Variants in ABCG8 observed in about 807,000 individuals in gnomAD.
ABCG8 encodes ATP binding cassette subfamily G member 8, also known as ATP-binding cassette sub-family G member 8.
A neutral mutation model predicts 71.3 loss-of-function variants in ABCG8; 81 were observed. That is an observed-to-expected ratio of 1.14 (90% CI 0.95 to 1.37). The LOEUF is 1.37. Ranked by LOEUF, ABCG8 falls within the 40% of genes most tolerant of loss-of-function variation. ABCG8 has a pLI of 0.00. For missense variants in ABCG8, 1,119 were observed against 866.2 expected (o/e 1.29, Z -3.66); for synonymous variants, 451 against 354.7 (o/e 1.27, Z -3.05).
At chr2:43,874,353 C>T (rs1466949090) in intron 9 of ABCG8, 54 bp from the exon 10 acceptor site, 1 of 1,327,508 alleles carries the variant, frequency 7.5e-7, no homozygotes, top group Admixed American at 1.7e-5. Context: ...AAAACAGAAG[C>T]ACTGTAGATT....
chr2:43,859,597 A>C (rs767947857), intron 6 of ABCG8, among the ~76,000 whole-genome samples: 6 of 151,328 alleles, frequency 4.0e-5, no homozygotes, highest in Non-Finnish European at 8.9e-5. Flanking sequence ...ATCAATCTGG[A>C]TAGAATTCTC....
At chr2:43,864,044 G>A (rs1354407049) in intron 6 of ABCG8, among the ~76,000 whole-genome samples, 1 of 150,998 alleles carries the variant, frequency 6.6e-6, no homozygotes, top group African/African-American at 2.4e-5. Flanking sequence ...GTCACCATCT[G>A]CATAGAATTC....
intron 11 of ABCG8, among the ~76,000 whole-genome samples, chr2:43,877,302 CTG>C (rs1400487858): frequency 1.3e-5 from 2 of 149,734 alleles, no homozygotes; most frequent in African/African-American, 4.9e-5. Context: ...TATGAGCAGA[CTG>C]TGTGAATATG....
Position 43,880,190 on chromosome 2 carries a change from T to G in ABCG8, c.*2277T>G, listed in dbSNP as rs1425536950. The G allele has an allele frequency of 6.7e-6, 1 of 149,980 alleles. No individual in the cohort carries two copies. The highest frequency in any genetic ancestry group is 2.5e-5 in the African/African-American group (1 of 40,580). The allele number at this position is 149,980 out of a possible 1,614,324, so 9.3% of individuals were successfully genotyped here. A position where few individuals can be genotyped will look rare whatever the true frequency, so the allele number is the denominator to read the frequency against. ...CATTTTTTGTTTTGTTTTTTTTTTT[T>G]TGAGACAGAATCTCATTCTGTGGCC... is the stretch of plus-strand genomic sequence containing the variant. On this transcript the variant is annotated 3_prime_UTR_variant, in exon 13 of 13. Coordinates refer to ENST00000272286, the MANE Select transcript of ABCG8 (RefSeq NM_022437.3).
intron 1 of ABCG8, among the ~76,000 whole-genome samples, chr2:43,839,868 T>A (rs1279661971): frequency 6.6e-6 from 1 of 152,188 alleles, no homozygotes; most frequent in Non-Finnish European, 1.5e-5. Context: ...ACGGCTTTTG[T>A]GGGAACATCA....
chr2:43,865,765 C>G (rs543375682), intron 6 of ABCG8, among the ~76,000 whole-genome samples: 1 of 152,082 alleles, frequency 6.6e-6, no homozygotes, highest in Non-Finnish European at 1.5e-5. Flanking sequence ...AGAAGTCTCA[C>G]TATCAGTCTG....
At chr2:43,867,914 G>T (rs72798813) in intron 6 of ABCG8, among the ~76,000 whole-genome samples, 7,945 of 139,260 alleles carry the variant, frequency 0.057, 248 homozygotes, top group Middle Eastern at 0.17. Flanking sequence ...ATTCTGACTC[G>T]CTGGATAAAA....
intron 11 of ABCG8, among the ~76,000 whole-genome samples, chr2:43,875,818 C>T (rs879326031): frequency 9.9e-5 from 15 of 151,992 alleles, no homozygotes; most frequent in Admixed American, 6.6e-4. Context: ...GACTCAGCCA[C>T]GCAGAGTGAG....
intron 6 of ABCG8, among the ~76,000 whole-genome samples, chr2:43,863,302 T>G (rs945610361): frequency 6.6e-5 from 10 of 151,598 alleles, no homozygotes; most frequent in African/African-American, 2.4e-4. Flanking sequence ...ACAATCTGGA[T>G]AGAACTCTCA....
chr2:43,848,345 T>C (rs1668810087), intron 3 of ABCG8: 3 of 152,266 alleles, frequency 2.0e-5, no homozygotes, highest in Admixed American at 2.0e-4. Context: ...CCTTATTTAT[T>C]TGAGGGTGAT....
At chr2:43,863,709 G>C (rs1669416631) in intron 6 of ABCG8, among the ~76,000 whole-genome samples, 1 of 151,400 alleles carries the variant, frequency 6.6e-6, no homozygotes, top group Non-Finnish European at 1.5e-5. Context: ...TGTCTGGATA[G>C]AATACTCACC....
rs766528203 is a variant in ABCG8 at position 43,875,432 on chromosome 2, G to C, written c.1756+19G>C. The C allele has an allele frequency of 1.2e-6, 2 of 1,609,044 alleles. No individual in the cohort carries two copies. The highest frequency in any genetic ancestry group is 1.7e-5 in the Admixed American group (1 of 59,896). ...TGGACAGGTAAGGCCTGCCCCCGGG[G>C]CCTGGGCCAGCTTTGTTAGGACTCA... is the stretch of plus-strand genomic sequence containing the variant. On this transcript the variant is annotated intron_variant, in intron 11 of 12. Transcript: ENST00000272286.
At chr2:43,862,632 A>G (rs931070357) in intron 6 of ABCG8, among the ~76,000 whole-genome samples, 13 of 150,038 alleles carry the variant, frequency 8.7e-5, no homozygotes, top group Admixed American at 8.6e-4. Context: ...TATTCTCACT[A>G]TCTGGATAGA....
chr2:43,863,737 ACTAT>A (rs1468797521), intron 6 of ABCG8, among the ~76,000 whole-genome samples: 1 of 150,860 alleles, frequency 6.6e-6, no homozygotes, highest in African/African-American at 2.4e-5. Context: ...TAGAACTCTC[ACTAT>A]CTGTCTGGAT....
intron 8 of ABCG8, 138 bp downstream of exon 8, chr2:43,872,444 G>A (rs1669816351): frequency 1.0e-6 from 1 of 998,114 alleles, no homozygotes; most frequent in African/African-American, 1.6e-5. Context: ...CATCCAGCAG[G>A]GCGTTGGTGG....
chr2:43,868,973 C>T (rs183020349), intron 6 of ABCG8, among the ~76,000 whole-genome samples: 131 of 152,214 alleles, frequency 8.6e-4, no homozygotes, highest in Non-Finnish European at 1.5e-3. Context: ...CGATAGAACT[C>T]TCACTGTCTA....
intron 6 of ABCG8, among the ~76,000 whole-genome samples, chr2:43,868,027 A>G (rs1282607116): frequency 6.6e-6 from 1 of 151,914 alleles, no homozygotes; most frequent in African/African-American, 2.4e-5. Context: ...ATCAATCTGG[A>G]TAGAATTCTC....
intron 11 of ABCG8, 50 bp downstream of exon 11, chr2:43,875,463 C>G: frequency 6.3e-7 from 1 of 1,590,000 alleles, no homozygotes; most frequent in Non-Finnish European, 8.6e-7. Context: ...ACTCATGTGA[C>G]TGGATGAAGC....
chr2:43,874,563 A>G, intron 10 of ABCG8, 80 bp downstream of exon 10: 1 of 1,227,346 alleles, frequency 8.1e-7, no homozygotes, highest in South Asian at 1.2e-5. Context: ...GCTACAAGGA[A>G]GGCTTTTCTG....
Sources: allele counts gnomAD v4.1 joint callset (sites outside exome capture counted in the v4.1 genomes callset), GRCh38; gene constraint gnomAD v4.1.1; transcripts MANE v1.5; gene names NCBI Gene and HGNC (gene_info 2026-07-23, HGNC 2026-07-21).